Variants in ZNF804B observed in about 807,000 individuals in gnomAD.
The protein encoded by ZNF804B is zinc finger protein 804B, also known as zinc finger 804B.
A neutral mutation model predicts 101.4 loss-of-function variants in ZNF804B; 80 were observed. That is an observed-to-expected ratio of 0.79 (90% CI 0.66 to 0.95). ZNF804B has a LOEUF of 0.95. ZNF804B is among the 40% of genes least tolerant of loss of function. ZNF804B has a pLI of 0.00. For missense variants in ZNF804B, 1,673 were observed against 1,561.9 expected, an observed-to-expected ratio of 1.07 and a Z score of -1.20; for synonymous variants, 622 against 558.8, an observed-to-expected ratio of 1.11 and a Z score of -1.59.
At chr7:88,866,991 A>C (rs753505222) in intron 1 of ZNF804B, among the ~76,000 whole-genome samples, 1 of 152,238 alleles carries the variant, frequency 6.6e-6, no homozygotes, top group Non-Finnish European at 1.5e-5. Flanking sequence ...TAAGATGGGC[A>C]CAACAGAATT....
intron 2 of ZNF804B, among the ~76,000 whole-genome samples, chr7:89,286,354 C>T (rs1170482927): frequency 6.6e-6 from 1 of 152,106 alleles, no homozygotes; most frequent in Non-Finnish European, 1.5e-5. Flanking sequence ...GTGAGAACAA[C>T]ATGAAAGTCT....
At chr7:88,764,363 G>T (rs1789948008) in intron 1 of ZNF804B, among the ~76,000 whole-genome samples, 1 of 152,124 alleles carries the variant, frequency 6.6e-6, no homozygotes, top group Non-Finnish European at 1.5e-5. Context: ...TTCTGGGAAT[G>T]CCTATTGTCT....
intron 1 of ZNF804B, among the ~76,000 whole-genome samples, chr7:88,941,499 A>G (rs1793053366): frequency 6.6e-6 from 1 of 152,022 alleles, no homozygotes; most frequent in African/African-American, 2.4e-5. Context: ...TAAATAAAAG[A>G]AGCCAATTTG....
chr7:88,927,857 T>C (rs1029339966), intron 1 of ZNF804B, among the ~76,000 whole-genome samples: 10 of 152,156 alleles, frequency 6.6e-5, no homozygotes, highest in South Asian at 2.1e-4. Flanking sequence ...CATGCACTTA[T>C]GGGTTTTTTT....
chr7:89,056,522 A>G (rs532380822), intron 1 of ZNF804B, among the ~76,000 whole-genome samples: 147 of 152,268 alleles, frequency 9.7e-4, no homozygotes, highest in Middle Eastern at 6.8e-3. Context: ...TGAATACAGC[A>G]AAGAAAATCC....
intron 2 of ZNF804B, among the ~76,000 whole-genome samples, chr7:89,253,971 C>A (rs1789583126): frequency 6.6e-6 from 1 of 151,864 alleles, no homozygotes. Flanking sequence ...CCTTAGGAAA[C>A]TAAAAAAGAA....
chr7:88,784,161 T>C (rs1464089722), intron 1 of ZNF804B, among the ~76,000 whole-genome samples: 4 of 152,130 alleles, frequency 2.6e-5, no homozygotes, highest in Non-Finnish European at 1.5e-5. Context: ...AATTTATAAA[T>C]ACAATGTGGC....
chr7:89,116,112 C>A (rs996871782), intron 1 of ZNF804B, among the ~76,000 whole-genome samples: 1 of 151,394 alleles, frequency 6.6e-6, no homozygotes, highest in Non-Finnish European at 1.5e-5. Flanking sequence ...CAGTGTTTCG[C>A]CATGTTCCCC....
intron 1 of ZNF804B, among the ~76,000 whole-genome samples, chr7:88,895,890 GA>G (rs1392773280): frequency 6.6e-6 from 1 of 152,112 alleles, no homozygotes; most frequent in Non-Finnish European, 1.5e-5. Flanking sequence ...ACAGGTGGGG[GA>G]AATAGACAAG....
rs544835607 is a variant in ZNF804B at position 89,139,518 on chromosome 7, C to T, written c.109-78637C>T. On this transcript the variant is annotated intron_variant, in intron 1 of 3. Coordinates refer to ENST00000333190, the MANE Select transcript of ZNF804B (RefSeq NM_181646.5). ...AATCAACCCTTTCAAAACCTGCCAC[C>T]GCCTTATTAACTAAATTGAGGTAAT... Among the ~76,000 whole-genome samples the T allele has an allele frequency of 8.1e-4, 123 of 152,096 alleles. 1 individual carries two copies. Among genetic ancestry groups the T allele is most frequent in the African/African-American group, 2.8e-3 (117 of 41,512 alleles).
chr7:89,113,258 G>A (rs1430658858), intron 1 of ZNF804B, among the ~76,000 whole-genome samples: 1 of 152,146 alleles, frequency 6.6e-6, no homozygotes, highest in Non-Finnish European at 1.5e-5. Flanking sequence ...AAGATAGTTT[G>A]TTCACTATAT....
intron 1 of ZNF804B, among the ~76,000 whole-genome samples, chr7:88,862,516 C>T (rs933921103): frequency 2.6e-5 from 4 of 152,114 alleles, no homozygotes; most frequent in African/African-American, 7.2e-5. Context: ...ACTATAGATA[C>T]AACAAAATTG....
rs869097226 is a variant in ZNF804B, at chr7:88,877,049, A to AT, written c.108+116993dup. On this transcript the variant is annotated intron_variant, in intron 1 of 3. Coordinates refer to ENST00000333190, the MANE Select transcript of ZNF804B (RefSeq NM_181646.5). Reference sequence around the variant, plus strand: ...ATAATATATATATATATATATATATATTTTTTTTTTTTTTTTTTTTTTTTT... The same window carrying AT: ...ATAATATATATATATATATATATATATTTTTTTTTTTTTTTTTTTTTTTTTT... 5.3e-3 allele frequency among the ~76,000 whole-genome samples: 74 copies of AT among 13,918 alleles called. 9 individuals are homozygous for AT. The highest frequency in any genetic ancestry group is 9.9e-3 in the South Asian group (2 of 202). 9.1% of individuals were successfully genotyped at this position (13,918 alleles called of 152,430 possible). A position where few individuals can be genotyped will look rare whatever the true frequency, so the allele number is the denominator to read the frequency against.
At chr7:88,863,272 T>A (rs1011104565) in intron 1 of ZNF804B, among the ~76,000 whole-genome samples, 2 of 152,210 alleles carry the variant, frequency 1.3e-5, no homozygotes, top group Non-Finnish European at 2.9e-5. Flanking sequence ...TATCCTGATG[T>A]CAGTCCAAAT....
At chr7:88,926,886 T>G in intron 1 of ZNF804B, among the ~76,000 whole-genome samples, 1 of 150,724 alleles carries the variant, frequency 6.6e-6, no homozygotes, top group South Asian at 2.1e-4. Context: ...AAATTTTTTT[T>G]TCTCATTTTA....
chr7:89,160,679 TA>T, intron 1 of ZNF804B, among the ~76,000 whole-genome samples: 1 of 152,274 alleles, frequency 6.6e-6, no homozygotes, highest in South Asian at 2.1e-4. Flanking sequence ...AGGTTTAAAA[TA>T]ATAACCATTT....
chr7:89,034,385 T>G (rs1421161194), intron 1 of ZNF804B, among the ~76,000 whole-genome samples: 1 of 152,082 alleles, frequency 6.6e-6, no homozygotes, highest in Non-Finnish European at 1.5e-5. Flanking sequence ...TTTCTCCTAA[T>G]GCTATCCCTC....
At chr7:88,803,997 T>G (rs180678719) in intron 1 of ZNF804B, among the ~76,000 whole-genome samples, 1 of 152,208 alleles carries the variant, frequency 6.6e-6, no homozygotes, top group Non-Finnish European at 1.5e-5. Flanking sequence ...TGAAGGTCAC[T>G]GCAGGAGAAA....
intron 1 of ZNF804B, among the ~76,000 whole-genome samples, chr7:89,179,295 T>A (rs1788257333): frequency 6.6e-6 from 1 of 152,198 alleles, no homozygotes; most frequent in Non-Finnish European, 1.5e-5. Flanking sequence ...TAACTTAGAT[T>A]TGCCCTTTTG....
Sources: gnomAD v4.1 joint callset for allele counts (sites outside exome capture counted in the v4.1 genomes callset) on GRCh38, gnomAD v4.1.1 for gene constraint, MANE v1.5 for transcripts, NCBI Gene and HGNC (gene_info 2026-07-23, HGNC 2026-07-21) for gene names.